Variants in MARCHF1 observed in about 807,000 individuals in gnomAD.
MARCHF1 encodes E3 ubiquitin-protein ligase MARCHF1.
MARCHF1 carries 40 observed loss-of-function variants against 54.2 expected under a neutral mutation model. The observed-to-expected ratio is 0.74, with a 90% confidence interval of 0.57 to 0.96. The LOEUF (loss-of-function observed/expected upper bound fraction) is 0.96, where lower values mean the gene tolerates loss of function less well. Among genes scored for constraint, MARCHF1 ranks in the 40% least tolerant of loss-of-function variants. MARCHF1 has a pLI of 0.00. For missense variants in MARCHF1, 586 were observed against 656.5 expected (o/e 0.89, Z 1.17); for synonymous variants, 236 against 236.3 (o/e 1.00, Z 0.01).
chr4:163,922,528 C>G (rs1189420826), intron 3 of MARCHF1, among the ~76,000 whole-genome samples: 1 of 152,150 alleles, frequency 6.6e-6, no homozygotes, highest in African/African-American at 2.4e-5. Flanking sequence ...TACAGAAAGG[C>G]TGCTGAACAC....
intron 3 of MARCHF1, among the ~76,000 whole-genome samples, chr4:163,927,609 C>T (rs1751564062): frequency 6.6e-6 from 1 of 151,690 alleles, no homozygotes; most frequent in Non-Finnish European, 1.5e-5. Context: ...TTTTCCAGCA[C>T]TGAAATGAAA....
chr4:164,162,610 T>C (rs1730267326), intron 1 of MARCHF1, among the ~76,000 whole-genome samples: 6 of 152,126 alleles, frequency 3.9e-5, no homozygotes, highest in Admixed American at 3.9e-4. Context: ...GTCATCCTTT[T>C]AGGGAAAGAG....
intron 1 of MARCHF1, among the ~76,000 whole-genome samples, chr4:164,192,019 TAAAAC>T (rs902105567): frequency 1.2e-4 from 19 of 152,142 alleles, no homozygotes; most frequent in African/African-American, 4.6e-4. Context: ...TAAGCCTACA[TAAAAC>T]AAACCAACGA....
intron 3 of MARCHF1, among the ~76,000 whole-genome samples, chr4:163,961,437 G>A (rs116526059): frequency 0.013 from 1,961 of 151,996 alleles, 37 homozygotes; most frequent in African/African-American, 0.043. Context: ...TTAATCTGTG[G>A]AAGTGGCTGA....
At chr4:164,254,124 G>T (rs1247450741) in intron 1 of MARCHF1, among the ~76,000 whole-genome samples, 1 of 151,930 alleles carries the variant, frequency 6.6e-6, no homozygotes, top group Non-Finnish European at 1.5e-5. Flanking sequence ...TTTTTTTTGA[G>T]AGAGTCTCAT....
At chr4:164,245,034 G>A (rs1252092142) in intron 1 of MARCHF1, among the ~76,000 whole-genome samples, 1 of 152,148 alleles carries the variant, frequency 6.6e-6, no homozygotes, top group African/African-American at 2.4e-5. Flanking sequence ...GAGGTACAAG[G>A]AGGAACTGGT....
chr4:163,970,944 A>G (rs1048135747), intron 3 of MARCHF1, among the ~76,000 whole-genome samples: 1 of 152,210 alleles, frequency 6.6e-6, no homozygotes, highest in Non-Finnish European at 1.5e-5. Context: ...TTAAAATGCA[A>G]CAATTGGAAC....
At chr4:163,573,172 T>A (rs1202041507) in intron 8 of MARCHF1, among the ~76,000 whole-genome samples, 5 of 152,094 alleles carry the variant, frequency 3.3e-5, no homozygotes, top group African/African-American at 1.2e-4. Flanking sequence ...GACACTTTAC[T>A]GAAGTTGTTT....
At chr4:164,026,818 G>T (rs1753778388) in intron 2 of MARCHF1, among the ~76,000 whole-genome samples, 1 of 152,054 alleles carries the variant, frequency 6.6e-6, no homozygotes, top group Non-Finnish European at 1.5e-5. Context: ...TAGATGATAT[G>T]ATTACATACC....
intron 1 of MARCHF1, among the ~76,000 whole-genome samples, chr4:164,317,575 C>T (rs1735031776): frequency 6.6e-6 from 1 of 152,168 alleles, no homozygotes. Flanking sequence ...CACGTCTGCC[C>T]TTGTCTCATT....
intron 1 of MARCHF1, among the ~76,000 whole-genome samples, chr4:164,230,978 T>C (rs575907708): frequency 1.3e-5 from 2 of 152,212 alleles, no homozygotes; most frequent in South Asian, 2.1e-4. Context: ...ACAATAGATA[T>C]GTAAAAATAG....
rs116198352 is a variant in MARCHF1 at position 164,004,322 on chromosome 4, T to A, written c.-247-15613A>T. On this transcript the variant is annotated intron_variant, in intron 2 of 9. Transcript: ENST00000514618. ...AATACAATGAAACAATAATAATAAT[T>A]TATTAGGAAGATATACAAACATAAA... Among the ~76,000 whole-genome samples, 482 of 151,850 alleles carry A rather than the reference T, an allele frequency of 3.2e-3. 3 individuals are homozygous for A. The highest frequency in any genetic ancestry group is 0.011 in the African/African-American group (464 of 41,464).
At chr4:163,650,707 A>C (rs922809659) in intron 5 of MARCHF1, among the ~76,000 whole-genome samples, 8 of 151,954 alleles carry the variant, frequency 5.3e-5, no homozygotes, top group African/African-American at 1.9e-4. Context: ...ATTTCACAAT[A>C]GGTAATTCAT....
chr4:163,654,575 G>A (rs1743075178), intron 5 of MARCHF1, among the ~76,000 whole-genome samples: 2 of 151,474 alleles, frequency 1.3e-5, no homozygotes, highest in African/African-American at 4.8e-5. Context: ...AGATCTTTTG[G>A]GTGAATTGTT....
At chr4:164,182,345 T>C (rs942513064) in intron 1 of MARCHF1, among the ~76,000 whole-genome samples, 8 of 152,062 alleles carry the variant, frequency 5.3e-5, no homozygotes, top group Admixed American at 5.2e-4. Context: ...TAAAATATTT[T>C]CAAAAACAAA....
At chr4:163,795,475 C>A (rs10030446) in intron 4 of MARCHF1, among the ~76,000 whole-genome samples, 3 of 152,098 alleles carry the variant, frequency 2.0e-5, no homozygotes, top group Non-Finnish European at 4.4e-5. Flanking sequence ...GGCAATCCAC[C>A]TGCCTTGGCC....
At position 164,068,775 on chromosome 4, in the gene MARCHF1, C is replaced by T. The variant is rs972770639; in HGVS notation, c.-248+42813G>A. On this transcript the variant is annotated intron_variant, in intron 2 of 9. Transcript: ENST00000514618. ...TGGGACTGGCAGCCAGTTCCACCTGCGGCCCTGGTGAGGGATCCACTGGGT... is the reference window on the plus strand; with the variant it reads ...TGGGACTGGCAGCCAGTTCCACCTGTGGCCCTGGTGAGGGATCCACTGGGT... Among the ~76,000 whole-genome samples, 14 of 152,328 alleles carry T rather than the reference C, an allele frequency of 9.2e-5. No individual in the cohort carries two copies. In the East Asian group the frequency reaches 9.7e-4, roughly 11 times the overall value.
At chr4:163,714,421 T>G (rs922546256) in intron 4 of MARCHF1, among the ~76,000 whole-genome samples, 3 of 152,262 alleles carry the variant, frequency 2.0e-5, no homozygotes, top group African/African-American at 7.2e-5. Context: ...TTACTGCTAA[T>G]GAAATCAGTT....
chr4:164,092,673 T>C (rs775623520), intron 2 of MARCHF1, among the ~76,000 whole-genome samples: 8 of 152,148 alleles, frequency 5.3e-5, no homozygotes, highest in Admixed American at 1.3e-4. Flanking sequence ...TTTCCAAGGG[T>C]GTAATGTTTT....
Sources: allele counts gnomAD v4.1 joint callset (sites outside exome capture counted in the v4.1 genomes callset), GRCh38; gene constraint gnomAD v4.1.1; transcripts MANE v1.5; gene names NCBI Gene and HGNC (gene_info 2026-07-23, HGNC 2026-07-21).